ADORA1: variants seen among roughly 807,000 people sequenced by gnomAD.
ADORA1 encodes the protein adenosine A1 receptor, also known as adenosine receptor A1.
A neutral mutation model predicts 19.9 loss-of-function variants in ADORA1; 6 were observed. The observed-to-expected ratio is 0.30, with a 90% CI of 0.17 to 0.59. The LOEUF is 0.59. Among genes scored for constraint, ADORA1 ranks in the 20% least tolerant of loss-of-function variants. The pLI is 0.87. For missense variants in ADORA1, 302 were observed against 439.2 expected, an observed-to-expected ratio of 0.69 and a Z score of 2.79; for synonymous variants, 194 against 188.4, an observed-to-expected ratio of 1.03 and a Z score of -0.24.
chr1:203,161,847 T>C (rs1302888266), intron 3 of ADORA1, among the ~76,000 whole-genome samples: 5 of 152,016 alleles, frequency 3.3e-5, no homozygotes, highest in Non-Finnish European at 7.4e-5. Context: ...AGTGCCAGGA[T>C]TACAGGCGTA....
intron 3 of ADORA1, chr1:203,150,903 G>T: frequency 1.3e-5 from 12 of 929,624 alleles, no homozygotes; most frequent in Non-Finnish European, 1.7e-5. Context: ...AGTGACAGCA[G>T]CTGCCTCCTC....
chr1:203,145,177 A>G (rs1223647324), intron 3 of ADORA1: 1 of 152,302 alleles, frequency 6.6e-6, no homozygotes, highest in Non-Finnish European at 1.5e-5. Context: ...CTTTGATGTC[A>G]AATCCCTTTC....
At chr1:203,145,127 C>T (rs894744403) in intron 3 of ADORA1, 2 of 152,402 alleles carry the variant, frequency 1.3e-5, no homozygotes, top group Non-Finnish European at 2.9e-5. Flanking sequence ...GAGCCCCTCA[C>T]CCCCCACCAG....
At chr1:203,148,864 G>A (rs1031207445) in intron 3 of ADORA1, among the ~76,000 whole-genome samples, 3 of 151,980 alleles carry the variant, frequency 2.0e-5, no homozygotes, top group Admixed American at 6.6e-5. Flanking sequence ...CCCAAGGCCC[G>A]TTACTACTGT....
At position 203,147,285 on chromosome 1, in the gene ADORA1, C is replaced by T. The variant is rs372379732; in HGVS notation, c.342-17976C>T. ...TTGCTGAGGCAGGGAGCCTCTTTGC[C>T]CTCTCTTCTCCCATCCTGGTTCCTG... is the stretch of plus-strand genomic sequence containing the variant. On this transcript the variant is annotated intron_variant, in intron 3 of 3. Coordinates refer to ENST00000337894, the MANE Select transcript of ADORA1 (RefSeq NM_000674.3). Among the ~76,000 whole-genome samples, 131 of 152,206 alleles carry T rather than the reference C, an allele frequency of 8.6e-4. 4 individuals carry two copies. In the South Asian group the frequency reaches 0.026, roughly 30 times the overall value.
intron 3 of ADORA1, among the ~76,000 whole-genome samples, chr1:203,149,180 CATT>C (rs775566382): frequency 6.6e-6 from 1 of 152,130 alleles, no homozygotes; most frequent in Non-Finnish European, 1.5e-5. Flanking sequence ...ACCAGGCCTG[CATT>C]TTCTTTTTCC....
At chr1:203,129,913 A>G (rs998026707) in intron 3 of ADORA1, among the ~76,000 whole-genome samples, 3 of 152,228 alleles carry the variant, frequency 2.0e-5, no homozygotes, top group South Asian at 2.1e-4. Flanking sequence ...CAGCACTGGG[A>G]TGGGTGGCCT....
chr1:203,139,161 T>C (rs187053403), intron 3 of ADORA1, among the ~76,000 whole-genome samples: 26 of 152,280 alleles, frequency 1.7e-4, no homozygotes, highest in Admixed American at 1.4e-3. Flanking sequence ...AGTGCATTTG[T>C]GTGCTGACAG....
rs1383189075 is a variant in ADORA1 at position 203,166,055 on chromosome 1, C to G, written c.*155C>G. On this transcript the variant is annotated 3_prime_UTR_variant, in exon 4 of 4. Transcript: ENST00000337894. ...TGAAGAGATACCCACAGAGTGTGGT[C>G]CCTCCACTAGGAGTTAACTACCCTA... The G allele has an allele frequency of 9.7e-7, 1 of 1,032,962 alleles. No individual in the cohort carries two copies. The highest frequency in any genetic ancestry group is 1.6e-5 in the African/African-American group (1 of 62,174). 64.0% of individuals were successfully genotyped at this position (1,032,962 alleles called of 1,614,324 possible). A position where few individuals can be genotyped will look rare whatever the true frequency, so the allele number is the denominator to read the frequency against.
Position 203,165,194 on chromosome 1 carries a change from T to C in ADORA1, c.342-67T>C. 1 of 1,602,710 alleles carries C rather than the reference T, an allele frequency of 6.2e-7. No homozygotes were observed. Among genetic ancestry groups the C allele is most frequent in the South Asian group, 1.1e-5 (1 of 89,384 alleles). The stretch of plus-strand genomic sequence containing the variant: ...CTTAGAGGCCCCTGGAGGCCAGGCG[T>C]GCCTCAGAGGGGCCTTTCGAGGCAG... On this transcript the variant is annotated intron_variant, in intron 3 of 3. Transcript: ENST00000337894. This position sits in a 1 kb window ranked among gnomAD's most constrained non-coding sequence, Gnocchi z 5.9.
rs1655503469 is a variant in ADORA1, at chr1:203,165,260, G to A, written c.342-1G>A. On this transcript the variant is annotated splice_acceptor_variant, in intron 3 of 3. Transcript: ENST00000337894. LOFTEE classifies it high-confidence loss of function. The surrounding 1 kb of genome is among the most constrained non-coding windows in gnomAD (Gnocchi z 5.9). ...TCACACTCTGCCCTCCTCTCCCCCA[G>A]GTACAAGATGGTGGTGACCCCCCGG... is the stretch of plus-strand genomic sequence containing the variant. 6.3e-7 allele frequency: 1 copy of A among 1,586,674 alleles called. No individual in the cohort carries two copies. The highest frequency in any genetic ancestry group is 1.8e-5 in the Admixed American group (1 of 55,332).
At chr1:203,143,263 G>C (rs1160586820) in intron 3 of ADORA1, among the ~76,000 whole-genome samples, 1 of 152,172 alleles carries the variant, frequency 6.6e-6, no homozygotes, top group East Asian at 1.9e-4. Context: ...CATGGTGAGA[G>C]GGCAAGAACA....
intron 3 of ADORA1, 85 bp downstream of exon 3, chr1:203,129,267 A>C: frequency 6.6e-7 from 1 of 1,520,750 alleles, no homozygotes; most frequent in South Asian, 1.3e-5. Flanking sequence ...GGTAGAGCAT[A>C]AGACCCCAAG....
At chr1:203,135,047 T>C (rs1470202243) in intron 3 of ADORA1, among the ~76,000 whole-genome samples, 3 of 152,164 alleles carry the variant, frequency 2.0e-5, no homozygotes, top group Non-Finnish European at 2.9e-5. Flanking sequence ...TTTCCTCTGG[T>C]AGACACTCAA....
intron 3 of ADORA1, among the ~76,000 whole-genome samples, chr1:203,161,102 C>A (rs893473591): frequency 4.6e-5 from 7 of 152,164 alleles, no homozygotes; most frequent in Non-Finnish European, 1.0e-4. Flanking sequence ...ATATGAAATC[C>A]TTTTCTGTTC....
chr1:203,133,389 A>G (rs921791537), intron 3 of ADORA1, among the ~76,000 whole-genome samples: 3 of 152,194 alleles, frequency 2.0e-5, no homozygotes, highest in Non-Finnish European at 4.4e-5. Context: ...TGCTGGGATT[A>G]CAGGCGTGAG....
At position 203,166,167 on chromosome 1, in the gene ADORA1, A is replaced by C; in HGVS notation, c.*267A>C. ...AGAGGCAACAGTGTTCTGAGCCCCC[A>C]CCTGCCTGACCATCCCATGAGCAGT... On this transcript the variant is annotated 3_prime_UTR_variant, in exon 4 of 4. Coordinates refer to ENST00000337894, the MANE Select transcript of ADORA1 (RefSeq NM_000674.3). 1 of 364,508 alleles carries C rather than the reference A, an allele frequency of 2.7e-6. No individual in the cohort carries two copies. 22.6% of individuals were successfully genotyped at this position (364,508 alleles called of 1,614,324 possible).
At chr1:203,136,958 A>T (rs1654531166) in intron 3 of ADORA1, among the ~76,000 whole-genome samples, 1 of 152,226 alleles carries the variant, frequency 6.6e-6, no homozygotes, top group Admixed American at 6.5e-5. Context: ...ATCCTCATGG[A>T]GACTGAATTC....
At chr1:203,146,206 G>T (rs1180044644) in intron 3 of ADORA1, among the ~76,000 whole-genome samples, 1 of 152,182 alleles carries the variant, frequency 6.6e-6, no homozygotes, top group East Asian at 1.9e-4. Flanking sequence ...CTCAATGTCA[G>T]GGGTGGCACT....
Sources: gnomAD v4.1 joint callset for allele counts (sites outside exome capture counted in the v4.1 genomes callset) on GRCh38, gnomAD v4.1.1 for gene constraint, Gnocchi (gnomAD v3.1) non-coding constraint, MANE v1.5 for transcripts, NCBI Gene and HGNC (gene_info 2026-07-23, HGNC 2026-07-21) for gene names.